Variants in FRMPD1 observed in about 807,000 individuals in gnomAD.
The protein encoded by FRMPD1 is FERM and PDZ domain containing 1.
In FRMPD1, 76 loss-of-function variants were observed where a neutral mutation model predicts 117.8. That is an observed-to-expected ratio of 0.65 (90% confidence interval 0.54 to 0.78). FRMPD1 has a LOEUF of 0.78. Ranked by LOEUF, FRMPD1 falls within the 30% of genes least tolerant of loss-of-function variation. The pLI is 0.00. For synonymous variants in FRMPD1, 783 were observed against 770.4 expected, an observed-to-expected ratio of 1.02 and a Z score of -0.27; for missense variants, 1,786 against 1,964.5, an observed-to-expected ratio of 0.91 and a Z score of 1.72.
chr9:37,662,673 A>G (rs1821035962), intron 1 of FRMPD1, among the ~76,000 whole-genome samples: 1 of 152,228 alleles, frequency 6.6e-6, no homozygotes, highest in Non-Finnish European at 1.5e-5. Context: ...AGGTGGCACT[A>G]GGATTTTTTG....
the FRMPD1 span, among the ~76,000 whole-genome samples, chr9:37,607,118 C>G: frequency 2.0e-5 from 3 of 152,100 alleles, no homozygotes; most frequent in African/African-American, 7.2e-5. Context: ...ATTTCGAGAC[C>G]AGCCTGGCCA....
At chr9:37,720,456 A>G (rs909874189) in intron 6 of FRMPD1, among the ~76,000 whole-genome samples, 7 of 152,184 alleles carry the variant, frequency 4.6e-5, no homozygotes, top group Non-Finnish European at 7.3e-5. Context: ...CAAGGTCAGA[A>G]GATCGAGACC....
intron 1 of FRMPD1, among the ~76,000 whole-genome samples, chr9:37,664,541 A>G (rs943747973): frequency 6.6e-6 from 1 of 151,222 alleles, no homozygotes; most frequent in Non-Finnish European, 1.5e-5. Context: ...TCATTGTTCA[A>G]CTCCCACTTA....
chr9:37,745,524 T>A lies in FRMPD1; in HGVS notation c.3492T>A (p.Asp1164Glu). 6.2e-7 allele frequency: 1 copy of A among 1,614,144 alleles called. No homozygotes were observed. The highest frequency in any genetic ancestry group is 8.5e-7 in the Non-Finnish European group (1 of 1,180,018). Reference protein sequence around the residue: ...AGKIVTSLSLDAPVTGTEQIP... With the variant: ...AGKIVTSLSLEAPVTGTEQIP... ...AAATAGTAACCTCCCTTTCTTTAGA[T>A]GCTCCTGTAACAGGGACCGAGCAGA... The change falls in exon 16 of 16, where the codon GAT becomes GAA. Residue 1164 changes from aspartate to glutamate, a missense_variant. Coordinates refer to ENST00000377765, the MANE Select transcript of FRMPD1 (RefSeq NM_014907.3).
At chr9:37,657,394 AG>A (rs953991921) in intron 1 of FRMPD1, among the ~76,000 whole-genome samples, 1 of 152,238 alleles carries the variant, frequency 6.6e-6, no homozygotes, top group African/African-American at 2.4e-5. Context: ...ATTAAAGACG[AG>A]GATGGCATTT....
At chr9:37,710,157 T>C (rs1822854571) in intron 4 of FRMPD1, among the ~76,000 whole-genome samples, 1 of 152,220 alleles carries the variant, frequency 6.6e-6, no homozygotes, top group African/African-American at 2.4e-5. Flanking sequence ...TTTAGAGCAC[T>C]TGCATTTGGG....
intron 5 of FRMPD1, among the ~76,000 whole-genome samples, chr9:37,714,291 G>C (rs1227179344): frequency 6.6e-6 from 1 of 152,188 alleles, no homozygotes; most frequent in Non-Finnish European, 1.5e-5. Flanking sequence ...TTCCTGATCT[G>C]TTTCCAAGAA....
intron 5 of FRMPD1, among the ~76,000 whole-genome samples, chr9:37,717,381 A>AT (rs61705193): frequency 0.011 from 1,302 of 114,272 alleles, 12 homozygotes; most frequent in East Asian, 0.03. Flanking sequence ...ATATATATAT[A>AT]TTTTTTTTTT....
chr9:37,682,376 T>C lies in FRMPD1; in HGVS notation c.-4-10262T>C, dbSNP rs917470980. On this transcript the variant is annotated intron_variant, in intron 1 of 15. Transcript: ENST00000377765. Reference sequence around the variant, plus strand: ...GTGTTTTGGGGGCAATAGTGGGAGATAGAGTTGGACATCCAGGAAGATGTT... The same window carrying C: ...GTGTTTTGGGGGCAATAGTGGGAGACAGAGTTGGACATCCAGGAAGATGTT... 6.6e-5 allele frequency among the ~76,000 whole-genome samples: 10 copies of C among 152,244 alleles called. No individual in the cohort carries two copies. In the South Asian group the frequency reaches 2.1e-3, roughly 32 times the overall value.
At chr9:37,659,853 A>G (rs539206405) in intron 1 of FRMPD1, among the ~76,000 whole-genome samples, 1 of 151,246 alleles carries the variant, frequency 6.6e-6, no homozygotes, top group African/African-American at 2.4e-5. Flanking sequence ...AACTCCCACT[A>G]AAATGTGCTT....
At chr9:37,737,458 A>G (rs1044830830) in intron 14 of FRMPD1, among the ~76,000 whole-genome samples, 5 of 152,216 alleles carry the variant, frequency 3.3e-5, no homozygotes, top group African/African-American at 9.6e-5. Flanking sequence ...CCTGAAACCA[A>G]GGAATGCTGT....
At chr9:37,610,427 A>G in the FRMPD1 span, among the ~76,000 whole-genome samples, 1 of 151,658 alleles carries the variant, frequency 6.6e-6, no homozygotes, top group African/African-American at 2.4e-5. Context: ...GCTTGACTTT[A>G]TTTTATTTTA....
chr9:37,613,946 G>A, the FRMPD1 span, among the ~76,000 whole-genome samples: 80 of 152,306 alleles, frequency 5.3e-4, no homozygotes, highest in African/African-American at 1.8e-3. Context: ...GGCACATAGA[G>A]GCACTCAGGA....
chr9:37,746,674 G>T lies in FRMPD1; in HGVS notation c.4642G>T (p.Asp1548Tyr), dbSNP rs146303578. The T allele has an allele frequency of 2.5e-6, 4 of 1,613,922 alleles. No individual in the cohort carries two copies. In the South Asian group the frequency reaches 4.4e-5, roughly 18 times the overall value. Reference sequence around the variant, plus strand: ...ATCGACCTGCGAGAGAGGCTACCACGACCTGAGTGTGAAACTCCTGGCCCG... The same window carrying T: ...ATCGACCTGCGAGAGAGGCTACCACTACCTGAGTGTGAAACTCCTGGCCCG... ...AKSTCERGYH[D>Y]LSVKLLARQC... Residue 1548 changes from aspartate to tyrosine, a missense_variant, in exon 16 of 16, where the codon GAC (aspartate) becomes TAC (tyrosine). Asp to Tyr is a radical substitution (Grantham distance 160). Coordinates refer to ENST00000377765, the MANE Select transcript of FRMPD1 (RefSeq NM_014907.3).
In FRMPD1 at chr9:37,707,542, C is replaced by A; in HGVS notation, c.228C>A (p.Ser76Arg). 6.2e-7 allele frequency: 1 copy of A among 1,613,828 alleles called. No individual in the cohort carries two copies. Among genetic ancestry groups the A allele is most frequent in the Non-Finnish European group, 8.5e-7 (1 of 1,179,734 alleles). ...ACTATGGATTTCACATTTCTGAGAG[C>A]CTTCCCCTTACAGTGGTGGCTGTCA... ...LQDYGFHISE[S>R]LPLTVVAVTA... The change falls in exon 3 of 16, where the codon AGC becomes AGA. Residue 76 changes from serine (S) to arginine (R), a missense_variant. Physicochemically the swap from Ser to Arg is moderately radical, Grantham distance 110. Transcript: ENST00000377765.
At chr9:37,708,278 CG>C in intron 3 of FRMPD1, 120 bp from the exon 4 acceptor site, 1 of 656,878 alleles carries the variant, frequency 1.5e-6, no homozygotes. Context: ...TGACTGAAGG[CG>C]GGGGAGTGAG....
At chr9:37,657,531 C>G (rs1820877818) in intron 1 of FRMPD1, among the ~76,000 whole-genome samples, 1 of 152,118 alleles carries the variant, frequency 6.6e-6, no homozygotes. Flanking sequence ...GCTGTTAGTT[C>G]CTGGTCTGGT....
intron 1 of FRMPD1, among the ~76,000 whole-genome samples, chr9:37,684,572 A>T (rs986104549): frequency 3.9e-5 from 6 of 152,184 alleles, no homozygotes; most frequent in Admixed American, 6.5e-5. Flanking sequence ...ATTGATGAAG[A>T]GTAAGGAGAC....
rs1172097309 is a variant in FRMPD1 at position 37,724,275 on chromosome 9, TG to T, written c.569del (p.Gly190AspfsTer14). 2 of 1,605,576 alleles carry T rather than the reference TG, an allele frequency of 1.2e-6. No homozygotes were observed. Among genetic ancestry groups the T allele is most frequent in the Non-Finnish European group, 1.7e-6 (2 of 1,172,222 alleles). ...PNVLKLYLEN[G>X]QTKAFKFEAN... ...ACGTGCTCAAGCTATACTTGGAGAA[TG>T]GACAGACCAAAGCTTTCAAGTTTGA... On this transcript the variant is annotated frameshift_variant, in exon 7 of 16. Transcript: ENST00000377765. LOFTEE classifies it high-confidence loss of function.
Sources: allele counts gnomAD v4.1 joint callset (sites outside exome capture counted in the v4.1 genomes callset), GRCh38; gene constraint gnomAD v4.1.1; transcripts MANE v1.5; gene names NCBI Gene and HGNC (gene_info 2026-07-23, HGNC 2026-07-21).